Variants in ARHGAP30 observed in about 807,000 individuals in gnomAD.
ARHGAP30 encodes rho GTPase-activating protein 30.
ARHGAP30 carries 23 observed loss-of-function variants against 72.0 expected under a neutral mutation model. That is an observed-to-expected ratio of 0.32 (90% CI 0.23 to 0.45). The LOEUF is 0.45. Ranked by LOEUF, ARHGAP30 falls within the 20% of genes least tolerant of loss-of-function variation. ARHGAP30 has a pLI of 1.00. For missense variants in ARHGAP30, 1,319 were observed against 1,383.4 expected, an observed-to-expected ratio of 0.95 and a Z score of 0.74; for synonymous variants, 576 against 528.2, an observed-to-expected ratio of 1.09 and a Z score of -1.24.
In ARHGAP30 at chr1:161,052,817, T is replaced by C. The variant is rs563553099; in HGVS notation, c.665-20A>G. 6.2e-7 allele frequency: 1 copy of C among 1,607,640 alleles called. No individual in the cohort carries two copies. Among genetic ancestry groups the C allele is most frequent in the Admixed American group, 1.7e-5 (1 of 59,808 alleles). ...CACCACCTGGGAAAAGAAAAGGAATTGGCCAGCCAGGAACAGAGCCAAGAG... is the reference window on the plus strand; with the variant it reads ...CACCACCTGGGAAAAGAAAAGGAATCGGCCAGCCAGGAACAGAGCCAAGAG... On this transcript the variant is annotated intron_variant, in intron 6 of 11. Transcript: ENST00000368013.
intron 2 of ARHGAP30, among the ~76,000 whole-genome samples, chr1:161,057,656 G>A (rs924220232): frequency 2.6e-5 from 4 of 152,026 alleles, no homozygotes; most frequent in African/African-American, 9.7e-5. Flanking sequence ...AACAGAAAAA[G>A]AACAAAAGTA....
chr1:161,069,489 TC>T lies in ARHGAP30; in HGVS notation c.97+38del. On this transcript the variant is annotated intron_variant, in intron 1 of 11. Coordinates refer to ENST00000368013, the MANE Select transcript of ARHGAP30 (RefSeq NM_001025598.2). This position sits in a 1 kb window ranked among gnomAD's most constrained non-coding sequence, Gnocchi z 4.9. The stretch of plus-strand genomic sequence containing the variant: ...GATCGGGCTGCAGATGCCCAGTGCC[TC>T]CCCACCCACCCTGCAGAAGCTGAGC... 1.9e-6 allele frequency: 3 copies of T among 1,543,820 alleles called. No individual in the cohort carries two copies. Among genetic ancestry groups the T allele is most frequent in the Non-Finnish European group, 2.7e-6 (3 of 1,125,490 alleles).
At chr1:161,066,131 C>T (rs1255448803) in intron 1 of ARHGAP30, among the ~76,000 whole-genome samples, 8 of 149,714 alleles carry the variant, frequency 5.3e-5, no homozygotes, top group East Asian at 2.0e-4. Flanking sequence ...TCCCAAAGTG[C>T]TGGGATTACA....
intron 3 of ARHGAP30, 152 bp downstream of exon 3, chr1:161,056,236 G>A (rs548645175): frequency 2.9e-6 from 3 of 1,031,856 alleles, no homozygotes; most frequent in East Asian, 2.7e-5. Context: ...AGGAGATTTG[G>A]GGAGGAGGGG....
rs1235701001 is a variant in ARHGAP30, at chr1:161,048,623, T to C, written c.2398A>G (p.Lys800Glu). 1 of 1,614,088 alleles carries C rather than the reference T, an allele frequency of 6.2e-7. No individual in the cohort carries two copies. The highest frequency in any genetic ancestry group is 1.3e-5 in the African/African-American group (1 of 75,006). Residue 800 changes from lysine to glutamate, a missense_variant, in exon 12 of 12, where the codon AAA (lysine) becomes GAA (glutamate). Around this residue, in one of 2 missense-constraint regions of ARHGAP30, gnomAD observed 1,097 missense variants for 1,045.2 expected, o/e 1.05. Transcript: ENST00000368013. ...EAEGVREDED[K>E]GQREKGYHEA... ...TGGTACCCCTTCTCCCTCTGTCCTT[T>C]GTCCTCATCCTCTCTGACTCCCTCA...
Position 161,049,583 on chromosome 1 carries a change from GGAGTCCTGCACCTCCTGGGACAGC to G in ARHGAP30, c.1503_1526del (p.Leu502_Ser509del). ...TGCTTGAGTCCTCTAGGAAGGAGAA[GGAGTCCTGCACCTCCTGGGACAGC>G]GAGTCCTCCAGGGCAGGAGCCAAGT... On this transcript the variant is annotated inframe_deletion, in exon 11 of 12. Transcript: ENST00000368013. 1 of 1,614,134 alleles carries G rather than the reference GGAGTCCTGCACCTCCTGGGACAGC, an allele frequency of 6.2e-7. No individual in the cohort carries two copies.
At chr1:161,056,616 A>T in intron 2 of ARHGAP30, 84 bp from the exon 3 acceptor site, 1 of 1,471,020 alleles carries the variant, frequency 6.8e-7, no homozygotes, top group Non-Finnish European at 9.1e-7. Flanking sequence ...GGGTCCCGGC[A>T]TGGTCGTGGG....
intron 1 of ARHGAP30, among the ~76,000 whole-genome samples, chr1:161,065,875 ATTT>A (rs1652723950): frequency 7.5e-6 from 1 of 133,122 alleles, no homozygotes; most frequent in Non-Finnish European, 1.6e-5. Context: ...CCCCTTATTT[ATTT>A]ATTTATTTAT....
intron 1 of ARHGAP30, among the ~76,000 whole-genome samples, chr1:161,065,880 T>G (rs888595980): frequency 1.4e-5 from 2 of 142,440 alleles, no homozygotes; most frequent in African/African-American, 5.4e-5. Context: ...TATTTATTTA[T>G]TTATTTATTT....
At chr1:161,051,168 G>A in intron 10 of ARHGAP30, 146 bp downstream of exon 10, 3 of 1,364,390 alleles carry the variant, frequency 2.2e-6, no homozygotes, top group Non-Finnish European at 2.9e-6. Flanking sequence ...CCCTAATCCT[G>A]AATCTAGGGA....
At chr1:161,060,261 C>T in intron 1 of ARHGAP30, 1 of 402,630 alleles carries the variant, frequency 2.5e-6, no homozygotes, top group South Asian at 1.6e-5. Context: ...CAGAGTGAGA[C>T]CCTGTTTCAA....
Position 161,047,042 on chromosome 1 carries a change from A to G in ARHGAP30, c.*673T>C. ...GAGAAGCAGTCCCAGGGCCTGAGTG[A>G]CACCATTTCCCTTTCCTGAAATAGG... On this transcript the variant is annotated 3_prime_UTR_variant, in exon 12 of 12. Coordinates refer to ENST00000368013, the MANE Select transcript of ARHGAP30 (RefSeq NM_001025598.2). 1 of 457,042 alleles carries G rather than the reference A, an allele frequency of 2.2e-6. No homozygotes were observed. The highest frequency in any genetic ancestry group is 4.5e-6 in the Non-Finnish European group (1 of 223,214). 28.3% of individuals were successfully genotyped at this position (457,042 alleles called of 1,614,324 possible). A position where few individuals can be genotyped will look rare whatever the true frequency, so the allele number is the denominator to read the frequency against.
Position 161,048,586 on chromosome 1 carries a change from TTTC to T in ARHGAP30, c.2432_2434del (p.Arg811del). 2 of 1,614,070 alleles carry T rather than the reference TTTC, an allele frequency of 1.2e-6. No individual in the cohort carries two copies. The highest frequency in any genetic ancestry group is 1.7e-6 in the Non-Finnish European group (2 of 1,180,010). On this transcript the variant is annotated inframe_deletion, in exon 12 of 12. Transcript: ENST00000368013. ...GCTGTCTTCACCATCTCCTTGGTCT[TTTC>T]TTGCTTCATGGTACCCCTTCTCCCT...
intron 1 of ARHGAP30, among the ~76,000 whole-genome samples, chr1:161,064,763 AAGAAAGAAAGAAAGAAAAAG>A (rs1275773296): frequency 5.9e-5 from 7 of 119,074 alleles, no homozygotes; most frequent in Non-Finnish European, 1.1e-4. Flanking sequence ...AAGAAAGAGA[AAGAAAGAAAGAAAGAAAAAG>A]AAAGAAAGAA....
chr1:161,059,798 T>C (rs1302397180), intron 1 of ARHGAP30, 82 bp from the exon 2 acceptor site: 3 of 1,190,736 alleles, frequency 2.5e-6, no homozygotes, highest in South Asian at 1.4e-5. Flanking sequence ...GAAATGGAAT[T>C]TGGGGAGACC....
intron 6 of ARHGAP30, 76 bp downstream of exon 6, chr1:161,053,182 G>A: frequency 6.3e-7 from 1 of 1,580,274 alleles, no homozygotes; most frequent in Non-Finnish European, 8.6e-7. Context: ...AGCTGAAGTA[G>A]GTGATCTTCA....
chr1:161,051,963 G>A (rs1007683325), intron 9 of ARHGAP30, among the ~76,000 whole-genome samples: 7 of 144,152 alleles, frequency 4.9e-5, no homozygotes, highest in East Asian at 2.1e-4. Context: ...GTCACTGGCC[G>A]TTGTCACCAC....
At chr1:161,059,471 C>G in intron 2 of ARHGAP30, 143 bp downstream of exon 2, 1 of 656,094 alleles carries the variant, frequency 1.5e-6, no homozygotes, top group Non-Finnish European at 2.6e-6. Context: ...TAGAGCACCT[C>G]CCTAGGACCT....
At chr1:161,050,479 A>T (rs1214465858) in intron 10 of ARHGAP30, among the ~76,000 whole-genome samples, 2 of 149,512 alleles carry the variant, frequency 1.3e-5, no homozygotes, top group Non-Finnish European at 3.0e-5. Flanking sequence ...ATTTTTTTTT[A>T]ATTTTTTTTA....
Sources: gnomAD v4.1 joint callset for allele counts (sites outside exome capture counted in the v4.1 genomes callset) on GRCh38, gnomAD v4.1.1 for gene constraint, gnomAD v4.1.1 regional missense constraint, Gnocchi (gnomAD v3.1) non-coding constraint, MANE v1.5 for transcripts, NCBI Gene and HGNC (gene_info 2026-07-23, HGNC 2026-07-21) for gene names.